The following DIP2C variants were observed in gnomAD, a reference collection of about 807,000 sequenced individuals.
DIP2C encodes the protein DIP2 acetate--CoA ligase C (putative).
A neutral mutation model predicts 192.4 loss-of-function variants in DIP2C; 33 were observed. The observed-to-expected ratio is 0.17, with a 90% CI of 0.13 to 0.23. DIP2C has a LOEUF of 0.23. Ranked by LOEUF, DIP2C falls within the 10% of genes least tolerant of loss-of-function variation. The pLI, the probability that DIP2C is intolerant of heterozygous loss-of-function variation, is 1.00. For missense variants in DIP2C, 1,537 were observed against 2,110.1 expected (o/e 0.73, Z 5.32); for synonymous variants, 979 against 864.1 (o/e 1.13, Z -2.33).
At chr10:646,258 C>T (rs1167748663) in intron 1 of DIP2C, among the ~76,000 whole-genome samples, 3 of 152,148 alleles carry the variant, frequency 2.0e-5, no homozygotes, top group Admixed American at 6.5e-5. Context: ...CTCACTGCCC[C>T]GTGCCCCCCG....
In DIP2C at chr10:363,511, G is replaced by A. The variant is rs1047438999; in HGVS notation, c.2478-200C>T. ...GGAGGCGCCCAGGGATGCTGCCGAG[G>A]CAAGGTCACCCTGATCCCCACGGAG... is the stretch of plus-strand genomic sequence containing the variant. On this transcript the variant is annotated intron_variant, in intron 20 of 36. Transcript: ENST00000280886. The surrounding 1 kb of genome is among the most constrained non-coding windows in gnomAD (Gnocchi z 5.4). Among the ~76,000 whole-genome samples the A allele has an allele frequency of 6.6e-6, 1 of 152,184 alleles. No homozygotes were observed. Among genetic ancestry groups the A allele is most frequent in the Non-Finnish European group, 1.5e-5 (1 of 68,028 alleles).
At chr10:426,104 G>A (rs973347249) in intron 4 of DIP2C, among the ~76,000 whole-genome samples, 1 of 152,142 alleles carries the variant, frequency 6.6e-6, no homozygotes, top group Non-Finnish European at 1.5e-5. Context: ...CATGACCTTG[G>A]ATGTAGAAAA....
chr10:626,407 T>C, intron 1 of DIP2C, among the ~76,000 whole-genome samples: 1 of 148,938 alleles, frequency 6.7e-6, no homozygotes, highest in East Asian at 1.9e-4. Context: ...AGAAGTGGTG[T>C]TACCCTCCAT....
rs72772857 is a variant in DIP2C, at chr10:379,031, G to C, written c.1991+3616C>G. 1.7e-3 allele frequency among the ~76,000 whole-genome samples: 266 copies of C among 152,300 alleles called. 1 individual carries two copies. The highest frequency in any genetic ancestry group is 3.3e-3 in the Non-Finnish European group (227 of 68,010). On this transcript the variant is annotated intron_variant, in intron 17 of 36. Coordinates refer to ENST00000280886, the MANE Select transcript of DIP2C (RefSeq NM_014974.3). Reference sequence around the variant, plus strand: ...GCTGGTCATTCTTTTTTGGAGACTGGCCTTTCTGTGAGGGGAGAACCAATG... The same window carrying C: ...GCTGGTCATTCTTTTTTGGAGACTGCCCTTTCTGTGAGGGGAGAACCAATG...
At chr10:527,067 GCTGT>G (rs528421869) in intron 1 of DIP2C, among the ~76,000 whole-genome samples, 401 of 152,326 alleles carry the variant, frequency 2.6e-3, no homozygotes, top group Middle Eastern at 6.8e-3. Flanking sequence ...ATTCAGTGAG[GCTGT>G]CTGGCTCCTC....
At chr10:624,832 C>A (rs945915489) in intron 1 of DIP2C, among the ~76,000 whole-genome samples, 1 of 152,260 alleles carries the variant, frequency 6.6e-6, no homozygotes, top group Admixed American at 6.5e-5. Flanking sequence ...GAGAAAACTA[C>A]GGAAGCTGTG....
intron 1 of DIP2C, among the ~76,000 whole-genome samples, chr10:638,579 C>T (rs1163301404): frequency 6.6e-6 from 1 of 152,212 alleles, no homozygotes; most frequent in Non-Finnish European, 1.5e-5. Flanking sequence ...ATAAGTGCAT[C>T]GCCTCAAGCA....
intron 1 of DIP2C, among the ~76,000 whole-genome samples, chr10:549,751 C>A (rs1453759916): frequency 1.3e-5 from 2 of 152,186 alleles, no homozygotes; most frequent in African/African-American, 4.8e-5. Context: ...GCCCTGAAAG[C>A]TCGCAGCAAG....
At position 370,607 on chromosome 10, in the gene DIP2C, C is replaced by G. The variant is rs181151096; in HGVS notation, c.1992-974G>C. On this transcript the variant is annotated intron_variant, in intron 17 of 36. Transcript: ENST00000280886. ...CTGGAAAATGTCTAGCAATGAATAG[C>G]TGCTGACTGAATTTGCGAACAAATA... is the stretch of plus-strand genomic sequence containing the variant. Among the ~76,000 whole-genome samples the G allele has an allele frequency of 5.3e-5, 8 of 152,366 alleles. No homozygotes were observed. In the East Asian group the frequency reaches 1.2e-3, roughly 22 times the overall value.
intron 3 of DIP2C, among the ~76,000 whole-genome samples, chr10:452,119 G>C (rs911095888): frequency 1.3e-5 from 2 of 152,132 alleles, no homozygotes; most frequent in African/African-American, 4.8e-5. Context: ...GGACCACAAA[G>C]ATGTCAGACT....
intron 4 of DIP2C, among the ~76,000 whole-genome samples, chr10:426,638 T>C (rs897478690): frequency 2.0e-5 from 3 of 152,246 alleles, no homozygotes; most frequent in Non-Finnish European, 4.4e-5. Context: ...GCAGTAGTAT[T>C]AGCAGAAGAA....
At chr10:435,846 T>A (rs1967136627) in intron 4 of DIP2C, among the ~76,000 whole-genome samples, 1 of 152,196 alleles carries the variant, frequency 6.6e-6, no homozygotes, top group Non-Finnish European at 1.5e-5. Context: ...CCGAAATATT[T>A]ATAATTGTAG....
chr10:617,330 C>T (rs1853538117), intron 1 of DIP2C, among the ~76,000 whole-genome samples: 1 of 152,288 alleles, frequency 6.6e-6, no homozygotes. Flanking sequence ...ACTAGTTCCA[C>T]CCCACTCAGC....
intron 28 of DIP2C, among the ~76,000 whole-genome samples, 159 bp downstream of exon 28, chr10:344,650 G>A (rs530835595): frequency 6.6e-6 from 1 of 152,322 alleles, no homozygotes; most frequent in South Asian, 2.1e-4. Flanking sequence ...GGATGGAAAT[G>A]GTCATACGTG....
intron 1 of DIP2C, among the ~76,000 whole-genome samples, chr10:621,997 CTTAGT>C (rs1447865975): frequency 6.6e-6 from 1 of 151,728 alleles, no homozygotes; most frequent in Non-Finnish European, 1.5e-5. Context: ...TACCGTGTGT[CTTAGT>C]TTAATTTCAA....
intron 32 of DIP2C, among the ~76,000 whole-genome samples, chr10:289,446 T>C (rs1440327553): frequency 6.6e-6 from 1 of 152,132 alleles, no homozygotes; most frequent in Non-Finnish European, 1.5e-5. Flanking sequence ...CTTTTAAGTT[T>C]CTGTAGAGAG....
intron 1 of DIP2C, among the ~76,000 whole-genome samples, chr10:583,643 G>T (rs1049077964): frequency 6.6e-6 from 1 of 152,204 alleles, no homozygotes; most frequent in African/African-American, 2.4e-5. Flanking sequence ...TGCTGAAACC[G>T]ATCTGTGCAC....
chr10:293,168 C>G (rs1476921793), intron 32 of DIP2C, among the ~76,000 whole-genome samples: 1 of 152,232 alleles, frequency 6.6e-6, no homozygotes, highest in Non-Finnish European at 1.5e-5. Flanking sequence ...CTGCCCACAC[C>G]ACTACTCAGC....
At chr10:524,741 A>G (rs1846949263) in intron 1 of DIP2C, among the ~76,000 whole-genome samples, 1 of 152,190 alleles carries the variant, frequency 6.6e-6, no homozygotes, top group Admixed American at 6.5e-5. Flanking sequence ...ATAACTTGCT[A>G]CCTTGAATAC....
Sources: gnomAD v4.1 joint callset for allele counts (sites outside exome capture counted in the v4.1 genomes callset) on GRCh38, gnomAD v4.1.1 for gene constraint, Gnocchi (gnomAD v3.1) non-coding constraint, MANE v1.5 for transcripts, NCBI Gene and HGNC (gene_info 2026-07-23, HGNC 2026-07-21) for gene names.